The following ADGRV1 variants were observed in gnomAD, a reference collection of about 807,000 sequenced individuals.
The protein encoded by ADGRV1 is G-protein coupled receptor 98.
A neutral mutation model predicts 596.2 loss-of-function variants in ADGRV1; 359 were observed. The ratio of observed to expected loss-of-function variants is 0.60; its 90% CI spans 0.55 to 0.66. ADGRV1 has a LOEUF of 0.66. ADGRV1 is among the 30% of genes least tolerant of loss of function. The probability of loss-of-function intolerance (pLI) is 0.00; values close to 1 mark genes in which losing one functional copy is unlikely to be tolerated. For missense variants in ADGRV1, 7,274 were observed against 7,575.6 expected, an observed-to-expected ratio of 0.96 and a Z score of 1.48; for synonymous variants, 2,681 against 2,679.2, an observed-to-expected ratio of 1.00 and a Z score of -0.02.
At chr5:90,729,582 T>A in intron 49 of ADGRV1, 60 bp from the exon 50 acceptor site, 1 of 1,297,456 alleles carries the variant, frequency 7.7e-7, no homozygotes, top group South Asian at 1.3e-5. Context: ...TATTATGTAA[T>A]TTTGTCATTT....
chr5:90,969,519 G>A (rs1381689661), intron 84 of ADGRV1, among the ~76,000 whole-genome samples: 2 of 152,170 alleles, frequency 1.3e-5, no homozygotes, highest in Non-Finnish European at 2.9e-5. Flanking sequence ...ATAAATAGCA[G>A]CCTTGCCTCT....
chr5:90,728,901 T>C lies in ADGRV1; in HGVS notation c.10394T>C (p.Ile3465Thr), dbSNP rs1752155303. Residue 3465 changes from isoleucine to threonine, a missense_variant, in exon 49 of 90, where the codon ATT becomes ACT. This residue lies in a region of ADGRV1 where 3,643 missense variants were observed against 3,809.2 expected (regional missense o/e 0.96). Transcript: ENST00000405460. ...GAGGCTTTGTCTTCAGCCAATGATA[T>C]TTACCTAATATTTGCCGAAAATGTC... The part of the protein sequence containing the change: ...EVEALSSAND[I>T]YLIFAENVFL... 1 of 1,612,506 alleles carries C rather than the reference T, an allele frequency of 6.2e-7. No individual in the cohort carries two copies. Among genetic ancestry groups the C allele is most frequent in the African/African-American group, 1.3e-5 (1 of 74,878 alleles).
intron 1 of ADGRV1, among the ~76,000 whole-genome samples, chr5:90,611,192 ATTTTACATTG>A (rs1409710444): frequency 6.6e-6 from 1 of 151,836 alleles, no homozygotes; most frequent in Non-Finnish European, 1.5e-5. Context: ...GAAAACAACC[ATTTTACATTG>A]TAAGAGCTGG....
chr5:90,930,575 A>G (rs1259888552), intron 83 of ADGRV1, among the ~76,000 whole-genome samples: 1 of 152,116 alleles, frequency 6.6e-6, no homozygotes, highest in Non-Finnish European at 1.5e-5. Flanking sequence ...TTTTAACCAA[A>G]GAAAAAAGGA....
intron 83 of ADGRV1, among the ~76,000 whole-genome samples, chr5:90,908,141 G>A (rs796648376): frequency 6.6e-5 from 10 of 152,222 alleles, no homozygotes; most frequent in African/African-American, 1.7e-4. Context: ...GTGAGCCACC[G>A]TTTCAGGCCG....
At chr5:90,684,797 A>G (rs6452902) in intron 28 of ADGRV1, among the ~76,000 whole-genome samples, 151,453 of 152,304 alleles carry the variant, frequency 0.99, 75,306 homozygotes, top group East Asian at 1. Context: ...GAGGCAGGAG[A>G]ACACAAACCT....
At chr5:90,974,778 A>G (rs1197101902) in intron 84 of ADGRV1, among the ~76,000 whole-genome samples, 2 of 152,234 alleles carry the variant, frequency 1.3e-5, no homozygotes, top group Non-Finnish European at 2.9e-5. Context: ...ACCATTCAGG[A>G]CATAAGTATG....
At chr5:90,702,540 A>G (rs1456988795) in intron 34 of ADGRV1, among the ~76,000 whole-genome samples, 1 of 151,950 alleles carries the variant, frequency 6.6e-6, no homozygotes, top group Non-Finnish European at 1.5e-5. Context: ...TTAATTCATG[A>G]TATTTTAAGA....
intron 43 of ADGRV1, among the ~76,000 whole-genome samples, chr5:90,719,215 C>T (rs976113788): frequency 5.9e-5 from 9 of 151,978 alleles, no homozygotes; most frequent in Non-Finnish European, 1.3e-4. Context: ...CTGAATGGTA[C>T]TCAGGAGGCT....
chr5:90,966,295 C>A (rs1252748019), intron 84 of ADGRV1, among the ~76,000 whole-genome samples: 1 of 151,826 alleles, frequency 6.6e-6, no homozygotes, highest in African/African-American at 2.4e-5. Context: ...CTTTGGGAGG[C>A]CAAGGCAGGC....
intron 43 of ADGRV1, chr5:90,718,349 G>T (rs1750432410): frequency 6.6e-6 from 1 of 152,018 alleles, no homozygotes; most frequent in Non-Finnish European, 1.5e-5. Flanking sequence ...ATATTTTATT[G>T]TATGTATATA....
At chr5:90,953,171 A>G (rs909507412) in intron 83 of ADGRV1, among the ~76,000 whole-genome samples, 38 of 152,180 alleles carry the variant, frequency 2.5e-4, no homozygotes, top group African/African-American at 9.2e-4. Context: ...GTAAAGCAGC[A>G]TAATGGCAGC....
intron 89 of ADGRV1, 124 bp downstream of exon 89, chr5:91,153,522 C>A: frequency 1.9e-6 from 1 of 529,686 alleles, no homozygotes; most frequent in Non-Finnish European, 3.1e-6. Context: ...TTCTCATGAC[C>A]CATTCCTAAT....
intron 83 of ADGRV1, among the ~76,000 whole-genome samples, chr5:90,939,790 C>G (rs2150855114): frequency 6.6e-6 from 1 of 152,006 alleles, no homozygotes; most frequent in African/African-American, 2.4e-5. Context: ...CTTTCTTGTC[C>G]TACTCTTATG....
intron 85 of ADGRV1, among the ~76,000 whole-genome samples, chr5:91,004,396 C>T (rs866886227): frequency 1.3e-4 from 19 of 151,502 alleles, no homozygotes; most frequent in Non-Finnish European, 2.5e-4. Flanking sequence ...TCTAATTTAT[C>T]GGCTTTATAA....
At chr5:90,891,411 TA>T (rs1770812732) in intron 83 of ADGRV1, among the ~76,000 whole-genome samples, 1 of 151,424 alleles carries the variant, frequency 6.6e-6, no homozygotes, top group South Asian at 2.1e-4. Context: ...AGCTATATTC[TA>T]AATATAATTA....
intron 77 of ADGRV1, among the ~76,000 whole-genome samples, chr5:90,839,925 C>T (rs760825579): frequency 5.9e-5 from 9 of 152,304 alleles, no homozygotes; most frequent in Non-Finnish European, 1.3e-4. Flanking sequence ...TTGGCTTGTA[C>T]TAGGAGTTTA....
intron 87 of ADGRV1, among the ~76,000 whole-genome samples, chr5:91,135,048 G>A (rs1794518337): frequency 6.6e-6 from 1 of 151,916 alleles, no homozygotes; most frequent in African/African-American, 2.4e-5. Context: ...TGGGCATTTG[G>A]CACACACCTG....
At chr5:90,754,897 G>C in intron 54 of ADGRV1, 86 bp from the exon 55 acceptor site, 2 of 877,312 alleles carry the variant, frequency 2.3e-6, no homozygotes, top group East Asian at 2.4e-5. Context: ...ACAAGGGATA[G>C]AGTAGAGTGT....
Sources: gnomAD v4.1 joint callset for allele counts (sites outside exome capture counted in the v4.1 genomes callset) on GRCh38, gnomAD v4.1.1 for gene constraint, gnomAD v4.1.1 regional missense constraint, MANE v1.5 for transcripts, NCBI Gene and HGNC (gene_info 2026-07-23, HGNC 2026-07-21) for gene names.